The following PCDHA1 variants were observed in gnomAD, a reference collection of about 807,000 sequenced individuals.
PCDHA1 encodes protocadherin alpha-1.
PCDHA1 carries 42 observed loss-of-function variants against 61.3 expected under a neutral mutation model. That is an observed-to-expected ratio of 0.69 (90% confidence interval 0.54 to 0.89). The LOEUF is 0.89. PCDHA1 is among the 40% of genes least tolerant of loss of function. PCDHA1 has a pLI of 0.00. For missense variants in PCDHA1, 1,256 were observed against 1,235.3 expected, an observed-to-expected ratio of 1.02 and a Z score of -0.25; for synonymous variants, 610 against 553.8, an observed-to-expected ratio of 1.10 and a Z score of -1.43.
chr5:140,877,657 G>T (rs1554169952), intron 1 of PCDHA1: 2 of 1,613,570 alleles, frequency 1.2e-6, no homozygotes, highest in East Asian at 2.2e-5. Context: ...GCCGCCCACC[G>T]TGAGCCGGTG....
At chr5:140,843,537 T>C (rs2150362232) in intron 1 of PCDHA1, 5 of 1,595,784 alleles carry the variant, frequency 3.1e-6, no homozygotes, top group Non-Finnish European at 4.3e-6. Flanking sequence ...AAGCCCACTC[T>C]GGTGTGCTCC....
intron 1 of PCDHA1, chr5:140,870,960 C>A: frequency 6.2e-7 from 1 of 1,613,670 alleles, no homozygotes. Flanking sequence ...GCTCGCGCAT[C>A]CCGTTCCGCG....
At chr5:140,816,334 G>T (rs1055491269) in intron 1 of PCDHA1, 1 of 152,042 alleles carries the variant, frequency 6.6e-6, no homozygotes, top group African/African-American at 2.4e-5. Flanking sequence ...GTATTCTTCA[G>T]TTCCAAAATT....
rs144574743 is a variant in PCDHA1, at chr5:140,848,603, G to C, written c.2394+59919G>C. ...GCGGCCAGCTCCACTACTCCGTCCCGGAGGAAGCCGAACACGGCACCTTCG... is the reference window on the plus strand; with the variant it reads ...GCGGCCAGCTCCACTACTCCGTCCCCGAGGAAGCCGAACACGGCACCTTCG... On this transcript the variant is annotated intron_variant, in intron 1 of 3. Transcript: ENST00000504120. 5,441 of 1,581,086 alleles carry C rather than the reference G, an allele frequency of 3.4e-3. 700 individuals are homozygous for C. Among genetic ancestry groups the C allele is most frequent in the Middle Eastern group, 0.011 (64 of 5,726 alleles).
chr5:140,901,575 C>T (rs1554189900), intron 1 of PCDHA1, among the ~76,000 whole-genome samples: 1 of 152,030 alleles, frequency 6.6e-6, no homozygotes, highest in African/African-American at 2.4e-5. Context: ...GTTTTTATGC[C>T]AGTGCCATGA....
chr5:140,925,455 T>TTG, intron 1 of PCDHA1, among the ~76,000 whole-genome samples: 1 of 152,222 alleles, frequency 6.6e-6, no homozygotes, highest in East Asian at 1.9e-4. Flanking sequence ...GGTGTATCTG[T>TTG]TGTGGCTCAG....
intron 1 of PCDHA1, among the ~76,000 whole-genome samples, chr5:140,903,944 A>G (rs1554191212): frequency 6.6e-6 from 1 of 152,192 alleles, no homozygotes; most frequent in African/African-American, 2.4e-5. Context: ...CCTCTTAAAT[A>G]CTGGAAAATT....
At chr5:140,814,884 T>G (rs2126659820) in intron 1 of PCDHA1, 2 of 152,350 alleles carry the variant, frequency 1.3e-5, no homozygotes, top group South Asian at 4.1e-4. Context: ...TGGGTGCATA[T>G]GTATTTATAA....
intron 1 of PCDHA1, chr5:140,836,240 C>G: frequency 6.2e-7 from 1 of 1,613,780 alleles, no homozygotes; most frequent in Non-Finnish European, 8.5e-7. Context: ...CCGGTGCGAG[C>G]ATCCCGTTCC....
intron 1 of PCDHA1, chr5:140,803,793 C>A (rs1554122967): frequency 9.7e-6 from 8 of 822,250 alleles, no homozygotes; most frequent in Non-Finnish European, 5.5e-6. Context: ...TTATGATATC[C>A]ACACTTGTAA....
At chr5:140,993,437 C>A (rs1193523462) in intron 3 of PCDHA1, among the ~76,000 whole-genome samples, 1 of 150,056 alleles carries the variant, frequency 6.7e-6, no homozygotes, top group Non-Finnish European at 1.5e-5. Context: ...AATCCTTATT[C>A]ATTCCTGTTC....
At chr5:140,963,244 T>G (rs934081934) in intron 1 of PCDHA1, among the ~76,000 whole-genome samples, 6 of 152,104 alleles carry the variant, frequency 3.9e-5, no homozygotes, top group Admixed American at 3.3e-4. Flanking sequence ...ATGGATTAGG[T>G]AGGTTTTCAT....
chr5:140,845,497 T>C (rs1779898146), intron 1 of PCDHA1, among the ~76,000 whole-genome samples: 1 of 149,728 alleles, frequency 6.7e-6, no homozygotes, highest in African/African-American at 2.4e-5. Context: ...AGTGAGAAAG[T>C]CTAAACCTAT....
At chr5:140,981,533 C>A (rs1045779820) in intron 2 of PCDHA1, among the ~76,000 whole-genome samples, 9 of 152,154 alleles carry the variant, frequency 5.9e-5, no homozygotes, top group African/African-American at 2.2e-4. Context: ...GAGATCGTGC[C>A]ACTGTACTCC....
At chr5:140,892,136 G>T (rs1441807118) in intron 1 of PCDHA1, among the ~76,000 whole-genome samples, 1 of 152,254 alleles carries the variant, frequency 6.6e-6, no homozygotes, top group East Asian at 1.9e-4. Flanking sequence ...TAAGCTCATG[G>T]TTTTAGCGTC....
intron 1 of PCDHA1, among the ~76,000 whole-genome samples, chr5:140,942,264 G>T (rs868983277): frequency 5.9e-5 from 9 of 152,122 alleles, no homozygotes; most frequent in Non-Finnish European, 1.2e-4. Flanking sequence ...GATATCTAAA[G>T]CTGGTAATGG....
intron 3 of PCDHA1, among the ~76,000 whole-genome samples, chr5:140,996,315 G>A (rs2097722113): frequency 6.6e-6 from 1 of 152,188 alleles, no homozygotes; most frequent in African/African-American, 2.4e-5. Flanking sequence ...AGTAAGGGGG[G>A]AGGGTAGAGA....
intron 1 of PCDHA1, among the ~76,000 whole-genome samples, chr5:140,916,305 G>T (rs2077519382): frequency 1.3e-5 from 2 of 152,156 alleles, no homozygotes; most frequent in South Asian, 2.1e-4. Context: ...TGGTACCAAA[G>T]GTGCAAGACA....
chr5:140,836,508 A>G (rs2150262609), intron 1 of PCDHA1: 1 of 1,613,830 alleles, frequency 6.2e-7, no homozygotes, highest in Non-Finnish European at 8.5e-7. Context: ...CGCGGTGTCC[A>G]GTCTGTTGGT....
Sources: allele counts gnomAD v4.1 joint callset (sites outside exome capture counted in the v4.1 genomes callset), GRCh38; gene constraint gnomAD v4.1.1; transcripts MANE v1.5; gene names NCBI Gene and HGNC (gene_info 2026-07-23, HGNC 2026-07-21).